PFAS: variants seen among roughly 807,000 people sequenced by gnomAD.
The protein encoded by PFAS is phosphoribosylformylglycinamidine synthase.
PFAS carries 97 observed loss-of-function variants against 140.6 expected under a neutral mutation model. That is an observed-to-expected ratio of 0.69 (90% CI 0.59 to 0.82). PFAS has a LOEUF of 0.82. Ranked by LOEUF, PFAS falls within the 40% of genes least tolerant of loss-of-function variation. The pLI, the probability that PFAS is intolerant of heterozygous loss-of-function variation, is 0.00. For synonymous variants in PFAS, 679 were observed against 718.8 expected (o/e 0.94, Z 0.88); for missense variants, 1,656 against 1,780.2 (o/e 0.93, Z 1.26).
Position 8,258,097 on chromosome 17 carries a change from C to T in PFAS, c.1234C>T (p.Leu412Phe), listed in dbSNP as rs778528449. ...CTTCGCCCGCTCCTTGGGCCTCCAG[C>T]TCCCAGACGGCCAGCGGCGTGAGTG... is the stretch of plus-strand genomic sequence containing the variant. ...AGFARSLGLQ[L>F]PDGQRREWIK... The change falls in exon 11 of 28, where the codon CTC becomes TTC. Residue 412 changes from leucine to phenylalanine, a missense_variant. By Grantham distance (22) the Leu-to-Phe change is conservative. Transcript: ENST00000314666. 8.1e-6 allele frequency: 13 copies of T among 1,614,024 alleles called. No individual in the cohort carries two copies. The East Asian group carries it at 1.3e-4, about 17-fold the overall frequency.
chr17:8,251,734 C>T (rs952800241), intron 1 of PFAS, among the ~76,000 whole-genome samples: 3 of 142,406 alleles, frequency 2.1e-5, no homozygotes, highest in Non-Finnish European at 3.0e-5. Flanking sequence ...TGCAATGGCT[C>T]AATCTTGGCT....
chr17:8,258,414 T>C (rs1989460745), intron 11 of PFAS, among the ~76,000 whole-genome samples: 1 of 152,196 alleles, frequency 6.6e-6, no homozygotes, highest in Non-Finnish European at 1.5e-5. Context: ...TACACAAACC[T>C]AGATGGCATA....
chr17:8,248,199 C>T, upstream of PFAS: 2 of 631,830 alleles, frequency 3.2e-6, no homozygotes, highest in Non-Finnish European at 5.7e-6. Flanking sequence ...CGCGAGGCGC[C>T]TCGGTGCACC....
chr17:8,266,320 C>T lies in PFAS; in HGVS notation c.2788C>T (p.Leu930=), dbSNP rs758582613. The part of the protein sequence containing the change: ...LEMAFAGNCG[L]QVDVPVPRVD... The stretch of plus-strand genomic sequence containing the variant: ...GATGGCCTTTGCTGGAAATTGCGGG[C>T]TACAGGTGGATGTGCCTGTCCCCAG... The change falls in exon 22 of 28, where the codon CTA becomes TTA. Residue 930 remains leucine (L), a synonymous_variant. Coordinates refer to ENST00000314666, the MANE Select transcript of PFAS (RefSeq NM_012393.3). This position sits in a 1 kb window ranked among gnomAD's most constrained non-coding sequence, Gnocchi z 5.0. The T allele has an allele frequency of 5.6e-6, 9 of 1,614,086 alleles. No individual in the cohort carries two copies. The Admixed American group carries it at 1.3e-4, about 24-fold the overall frequency.
intron 3 of PFAS, 140 bp from the exon 4 acceptor site, chr17:8,254,887 T>C: frequency 1.6e-6 from 1 of 628,424 alleles, no homozygotes; most frequent in Non-Finnish European, 2.9e-6. Flanking sequence ...GCAGGTTTCT[T>C]GTTGCCCAGC....
At chr17:8,254,400 T>G in intron 3 of PFAS, 99 bp downstream of exon 3, 1 of 1,412,136 alleles carries the variant, frequency 7.1e-7, no homozygotes, top group South Asian at 1.2e-5. Flanking sequence ...TGCTACTTCC[T>G]GCCTAGGAAA....
At chr17:8,257,294 C>A (rs1472532283) in intron 9 of PFAS, among the ~76,000 whole-genome samples, 1 of 152,212 alleles carries the variant, frequency 6.6e-6, no homozygotes, top group African/African-American at 2.4e-5. Flanking sequence ...TGGTGGCTCA[C>A]GCCTGTAATC....
intron 13 of PFAS, 29 bp downstream of exon 13, chr17:8,263,294 G>T: frequency 6.2e-7 from 1 of 1,612,078 alleles, no homozygotes; most frequent in Non-Finnish European, 8.5e-7. Flanking sequence ...ACAAGAGACT[G>T]GGCCTGCCTG....
At chr17:8,260,194 A>G (rs987448979) in intron 11 of PFAS, among the ~76,000 whole-genome samples, 1 of 124,390 alleles carries the variant, frequency 8.0e-6, no homozygotes, top group African/African-American at 2.9e-5. Context: ...TATACATACA[A>G]TAATGGTTTG....
Position 8,267,241 on chromosome 17 carries a change from G to A in PFAS, c.3175+6G>A. ...CTCCGTGCCCCGTGAGCCTGGTGAG[G>A]GAGTGTGTGCAGAGGCTCCGCGTCC... On this transcript the variant is annotated splice_donor_region_variant and intron_variant, in intron 24 of 27. Transcript: ENST00000314666. This position sits in a 1 kb window ranked among gnomAD's most constrained non-coding sequence, Gnocchi z 4.9. 1 of 1,608,510 alleles carries A rather than the reference G, an allele frequency of 6.2e-7. No individual in the cohort carries two copies. The highest frequency in any genetic ancestry group is 2.2e-5 in the East Asian group (1 of 44,770).
intron 5 of PFAS, 42 bp from the exon 6 acceptor site, chr17:8,255,763 G>T (rs753903251): frequency 6.2e-7 from 1 of 1,602,442 alleles, no homozygotes. Flanking sequence ...GAATGTGGCT[G>T]CCTGAGTTCC....
At chr17:8,265,259 C>G (rs781291458) in intron 18 of PFAS, 29 bp from the exon 19 acceptor site, 4 of 1,605,800 alleles carry the variant, frequency 2.5e-6, no homozygotes, top group East Asian at 2.2e-5. Context: ...TTCTCTTCCC[C>G]TCTAATGCTG....
At chr17:8,268,195 G>A (rs1259932109) in intron 26 of PFAS, among the ~76,000 whole-genome samples, 1 of 145,536 alleles carries the variant, frequency 6.9e-6, no homozygotes, top group Non-Finnish European at 1.5e-5. Context: ...CCAAGTAGCT[G>A]GGATTACAGG....
chr17:8,254,319 C>T lies in PFAS; in HGVS notation c.278+18C>T. The T allele has an allele frequency of 1.2e-6, 2 of 1,613,144 alleles. No individual in the cohort carries two copies. The highest frequency in any genetic ancestry group is 1.7e-6 in the Non-Finnish European group (2 of 1,179,650). On this transcript the variant is annotated intron_variant, in intron 3 of 27. Coordinates refer to ENST00000314666, the MANE Select transcript of PFAS (RefSeq NM_012393.3). ...GGGCCCAGGTAAGTATCTCATCCTGCCCACCCCTTTCTTCTGCTTTCCTTT... is the reference window on the plus strand; with the variant it reads ...GGGCCCAGGTAAGTATCTCATCCTGTCCACCCCTTTCTTCTGCTTTCCTTT...
Position 8,269,086 on chromosome 17 carries a change from G to A in PFAS, c.3839G>A (p.Gly1280Asp). The change falls in exon 28 of 28, where the codon GGC becomes GAC. Residue 1280 changes from glycine (G) to aspartate (D), a missense_variant. Transcript: ENST00000314666. Reference sequence around the variant, plus strand: ...CTGAATCCCAATGGGTCCCCAGGGGGCGTGGCTGGCATCTGCTCCTGTGAT... The same window carrying A: ...CTGAATCCCAATGGGTCCCCAGGGGACGTGGCTGGCATCTGCTCCTGTGAT... ...YPLNPNGSPG[G>D]VAGICSCDGR... 1 of 1,614,196 alleles carries A rather than the reference G, an allele frequency of 6.2e-7. No individual in the cohort carries two copies.
Position 8,269,636 on chromosome 17 carries a change from C to T in PFAS, c.*372C>T, listed in dbSNP as rs970383680. On this transcript the variant is annotated 3_prime_UTR_variant, in exon 28 of 28. Coordinates refer to ENST00000314666, the MANE Select transcript of PFAS (RefSeq NM_012393.3). ...CTCCTTGGCTCTGAGGGATGTTTTG[C>T]GCTCCCTTTTCTCATCATTGGGGTT... 1.4e-5 allele frequency: 3 copies of T among 212,536 alleles called. No homozygotes were observed. Among genetic ancestry groups the T allele is most frequent in the South Asian group, 1.0e-4 (1 of 9,554 alleles). The allele number at this position is 212,536 out of a possible 1,614,324, so 13.2% of individuals were successfully genotyped here. A position where few individuals can be genotyped will look rare whatever the true frequency, so the allele number is the denominator to read the frequency against.
chr17:8,250,055 A>G (rs1430817300), intron 1 of PFAS, among the ~76,000 whole-genome samples: 2 of 152,240 alleles, frequency 1.3e-5, no homozygotes, highest in East Asian at 3.8e-4. Context: ...GAATCACCAG[A>G]AATCTAAATA....
At chr17:8,268,408 A>G in intron 26 of PFAS, 125 bp from the exon 27 acceptor site, 1 of 647,476 alleles carries the variant, frequency 1.5e-6, no homozygotes, top group South Asian at 2.0e-5. Flanking sequence ...AAAGGAAGGA[A>G]GGAGGGAGGG....
In PFAS at chr17:8,266,643, T is replaced by A; in HGVS notation, c.2822-110T>A. The A allele has an allele frequency of 6.6e-7, 1 of 1,509,120 alleles. No individual in the cohort carries two copies. Among genetic ancestry groups the A allele is most frequent in the Admixed American group, 2.2e-5 (1 of 45,348 alleles). 93.5% of individuals were successfully genotyped at this position (1,509,120 alleles called of 1,614,324 possible). ...CCTCCCTGATCCCTACCCTACTCTC[T>A]GGCTGCATCCCTCTGACCCTCACCC... On this transcript the variant is annotated intron_variant, in intron 22 of 27. Transcript: ENST00000314666. This position sits in a 1 kb window ranked among gnomAD's most constrained non-coding sequence, Gnocchi z 5.0.
Sources: gnomAD v4.1 joint callset for allele counts (sites outside exome capture counted in the v4.1 genomes callset) on GRCh38, gnomAD v4.1.1 for gene constraint, Gnocchi (gnomAD v3.1) non-coding constraint, MANE v1.5 for transcripts, NCBI Gene and HGNC (gene_info 2026-07-23, HGNC 2026-07-21) for gene names.